The following VWA5A variants were observed in gnomAD, a reference collection of about 807,000 sequenced individuals.
VWA5A encodes the protein von Willebrand factor A domain-containing protein 5A.
VWA5A carries 77 observed loss-of-function variants against 84.6 expected under a neutral mutation model. The ratio of observed to expected loss-of-function variants is 0.91; its 90% confidence interval spans 0.76 to 1.10. The LOEUF (loss-of-function observed/expected upper bound fraction) is 1.10. Among genes scored for constraint, VWA5A ranks in the 50% least tolerant of loss-of-function variants. The probability of loss-of-function intolerance (pLI) is 0.00; values close to 1 mark genes in which losing one functional copy is unlikely to be tolerated. For missense variants in VWA5A, 973 were observed against 963.0 expected, an observed-to-expected ratio of 1.01 and a Z score of -0.14; for synonymous variants, 334 against 350.1, an observed-to-expected ratio of 0.95 and a Z score of 0.51.
At chr11:124,137,346 G>T (rs749843732) in intron 15 of VWA5A, 78 bp downstream of exon 15, 2 of 1,517,912 alleles carry the variant, frequency 1.3e-6, no homozygotes, top group East Asian at 4.6e-5. Flanking sequence ...AAAGGAAAGG[G>T]CTGTGAAATG....
chr11:124,126,642 C>G (rs550806375), intron 11 of VWA5A, among the ~76,000 whole-genome samples: 2 of 152,152 alleles, frequency 1.3e-5, no homozygotes, highest in East Asian at 3.9e-4. Context: ...TGCCTGTAAT[C>G]CCAGCTATCA....
intron 7 of VWA5A, among the ~76,000 whole-genome samples, chr11:124,121,485 A>AT (rs143996169): frequency 0.015 from 2,258 of 149,536 alleles, 17 homozygotes; most frequent in Middle Eastern, 0.021. Context: ...TTATTTTGTG[A>AT]TTTTTTTTTT....
At chr11:124,135,316 A>G (rs1865158264) in intron 12 of VWA5A, among the ~76,000 whole-genome samples, 1 of 152,224 alleles carries the variant, frequency 6.6e-6, no homozygotes, top group African/African-American at 2.4e-5. Flanking sequence ...GACCAGACAC[A>G]GACAAACTAA....
rs78573900 is a variant in VWA5A at position 124,133,214 on chromosome 11, G to A, written c.1245-1706G>A. Among the ~76,000 whole-genome samples the A allele has an allele frequency of 1.1e-3, 172 of 152,194 alleles. 5 individuals are homozygous for A. The East Asian group carries it at 0.029, about 26-fold the overall frequency. ...TCAGGGTCTGATGAACTTCAGTCGC[G>A]GTGATGGCTGGTCTATTTCTGATTC... is the stretch of plus-strand genomic sequence containing the variant. On this transcript the variant is annotated intron_variant, in intron 11 of 18. Coordinates refer to ENST00000456829, the MANE Select transcript of VWA5A (RefSeq NM_001130142.2).
intron 14 of VWA5A, 111 bp downstream of exon 14, chr11:124,136,785 CT>C: frequency 1.2e-6 from 1 of 828,950 alleles, no homozygotes. Flanking sequence ...TCCCTCCTTC[CT>C]TCCTTCTTTC....
intron 2 of VWA5A, among the ~76,000 whole-genome samples, chr11:124,117,171 A>G (rs1864844412): frequency 6.6e-6 from 1 of 152,210 alleles, no homozygotes; most frequent in African/African-American, 2.4e-5. Context: ...GGGATTAGTG[A>G]CACCTACTCC....
At chr11:124,122,356 G>T (rs951736274) in intron 7 of VWA5A, among the ~76,000 whole-genome samples, 1 of 152,144 alleles carries the variant, frequency 6.6e-6, no homozygotes, top group Non-Finnish European at 1.5e-5. Context: ...ACCATTGTTT[G>T]GATGATGATA....
At chr11:124,145,491 T>A (rs1277278288) in intron 18 of VWA5A, 128 bp downstream of exon 18, 1 of 1,342,150 alleles carries the variant, frequency 7.5e-7, no homozygotes. Flanking sequence ...TTTCTGCTAG[T>A]TCTTTTCTTG....
Position 124,140,339 on chromosome 11 carries a change from A to G in VWA5A, c.1880-1259A>G, listed in dbSNP as rs557703330. Among the ~76,000 whole-genome samples, 5 of 152,322 alleles carry G rather than the reference A, an allele frequency of 3.3e-5. No individual in the cohort carries two copies. In the South Asian group the frequency reaches 1.0e-3, roughly 32 times the overall value. ...GAGAGCTTGATGGAAGCAAGCTGAC[A>G]TATAGGAAAAAAAGTAGAGAAGTCA... On this transcript the variant is annotated intron_variant, in intron 15 of 18. Transcript: ENST00000456829.
chr11:124,134,425 A>C (rs1052632916), intron 11 of VWA5A, among the ~76,000 whole-genome samples: 1 of 152,240 alleles, frequency 6.6e-6, no homozygotes, highest in Non-Finnish European at 1.5e-5. Flanking sequence ...TACTTGGTGC[A>C]CATGGACTAA....
At chr11:124,130,832 T>G (rs565107728) in intron 11 of VWA5A, among the ~76,000 whole-genome samples, 1 of 152,318 alleles carries the variant, frequency 6.6e-6, no homozygotes, top group East Asian at 1.9e-4. Context: ...AATATTTGAG[T>G]GTTACGTCTG....
Position 124,117,774 on chromosome 11 carries a change from G to A in VWA5A, c.145G>A (p.Ala49Thr). ...GAATGAGGAGAAAGTTCCTTTGGAG[G>A]CCTTCTTTGTGTTCCCCATGGATGA... ...YENEEKVPLEAFFVFPMDEDS... is the reference protein window; with the variant it reads ...YENEEKVPLETFFVFPMDEDS... The change falls in exon 4 of 19, where the codon GCC becomes ACC. Residue 49 changes from alanine to threonine, a missense_variant. Ala to Thr is a moderately conservative substitution (Grantham distance 58). Coordinates refer to ENST00000456829, the MANE Select transcript of VWA5A (RefSeq NM_001130142.2). 1 of 1,614,224 alleles carries A rather than the reference G, an allele frequency of 6.2e-7. No homozygotes were observed. Among genetic ancestry groups the A allele is most frequent in the Non-Finnish European group, 8.5e-7 (1 of 1,180,042 alleles).
At chr11:124,118,106 C>A in intron 4 of VWA5A, 83 bp from the exon 5 acceptor site, 1 of 1,429,840 alleles carries the variant, frequency 7.0e-7, no homozygotes, top group Non-Finnish European at 9.5e-7. Flanking sequence ...ATCACACAGT[C>A]GCTCTGCACT....
rs1440265140 is a variant in VWA5A, at chr11:124,124,301, A to G, written c.1229A>G (p.Asn410Ser). The change falls in exon 11 of 19, where the codon AAC (asparagine) becomes AGC (serine). Residue 410 changes from asparagine (N) to serine (S), a missense_variant. Transcript: ENST00000456829. ...AGTGTAATTAAAGAAGTTAGGATCA[A>G]CAGACAGAAACACAGGTAGGAAGAA... Reference protein sequence around the residue: ...TFSVIKEVRINRQKHRCFSFG... With the variant: ...TFSVIKEVRISRQKHRCFSFG... The G allele has an allele frequency of 3.7e-6, 6 of 1,613,984 alleles. No homozygotes were observed. Among genetic ancestry groups the G allele is most frequent in the Non-Finnish European group, 5.1e-6 (6 of 1,179,988 alleles).
rs376415826 is a variant in VWA5A, at chr11:124,136,604, A to G, written c.1555A>G (p.Lys519Glu). The change falls in exon 14 of 19, where the codon AAA becomes GAA. Residue 519 changes from lysine to glutamate, a missense_variant. Lys to Glu is a moderately conservative substitution (Grantham distance 56). Coordinates refer to ENST00000456829, the MANE Select transcript of VWA5A (RefSeq NM_001130142.2). ...AAETTGEVCL[K>E]YTLQGKTFED... Reference sequence around the variant, plus strand: ...AGAGACAACAGGAGAAGTATGCCTCAAATATACACTCCAGGGCAAGACTTT... The same window carrying G: ...AGAGACAACAGGAGAAGTATGCCTCGAATATACACTCCAGGGCAAGACTTT... 1.2e-6 allele frequency: 2 copies of G among 1,614,178 alleles called. No homozygotes were observed. Among genetic ancestry groups the G allele is most frequent in the Admixed American group, 3.3e-5 (2 of 60,028 alleles).
At chr11:124,135,902 G>A (rs933510343) in intron 12 of VWA5A, among the ~76,000 whole-genome samples, 1 of 151,976 alleles carries the variant, frequency 6.6e-6, no homozygotes, top group African/African-American at 2.4e-5. Flanking sequence ...CAAGGGTCTC[G>A]TTACTCAAAC....
chr11:124,118,473 G>T, intron 5 of VWA5A, 60 bp from the exon 6 acceptor site: 1 of 1,611,318 alleles, frequency 6.2e-7, no homozygotes, highest in Non-Finnish European at 8.5e-7. Flanking sequence ...ATTTTCTTAA[G>T]GTTGAGAGTG....
rs1441079960 is a variant in VWA5A at position 124,116,676 on chromosome 11, G to A, written c.-20G>A. The A allele has an allele frequency of 6.6e-6, 1 of 152,150 alleles. No individual in the cohort carries two copies. Among genetic ancestry groups the A allele is most frequent in the Non-Finnish European group, 1.5e-5 (1 of 68,054 alleles). The allele number at this position is 152,150 out of a possible 1,614,324, so 9.4% of individuals were successfully genotyped here. A position where few individuals can be genotyped will look rare whatever the true frequency, so the allele number is the denominator to read the frequency against. ...TGCCACTGTCCTCTGCGTTGCTGTC[G>A]AATTGTGAGTCATTTTGCCACACTC... On this transcript the variant is annotated 5_prime_UTR_variant, in exon 2 of 19. Coordinates refer to ENST00000456829, the MANE Select transcript of VWA5A (RefSeq NM_001130142.2).
rs1219527997 is a variant in VWA5A at position 124,117,835 on chromosome 11, A to T, written c.206A>T (p.Asp69Val). The change falls in exon 4 of 19, where the codon GAT becomes GTT. Residue 69 changes from aspartate to valine, a missense_variant. Transcript: ENST00000456829. ...GTTTACAGCTTTGAGGCCTTGGTGG[A>T]TGGGAAGAAAATTGTAGCAGAATTA... is the stretch of plus-strand genomic sequence containing the variant. ...SAVYSFEALV[D>V]GKKIVAELQD... 10 of 1,614,148 alleles carry T rather than the reference A, an allele frequency of 6.2e-6. No individual in the cohort carries two copies. Among genetic ancestry groups the T allele is most frequent in the Non-Finnish European group, 7.6e-6 (9 of 1,180,026 alleles).
Sources: allele counts gnomAD v4.1 joint callset (sites outside exome capture counted in the v4.1 genomes callset), GRCh38; gene constraint gnomAD v4.1.1; transcripts MANE v1.5; gene names NCBI Gene and HGNC (gene_info 2026-07-23, HGNC 2026-07-21).